Variants in CA8 observed in about 807,000 individuals in gnomAD.
CA8 encodes carbonic anhydrase 8 (inactive).
In CA8, 22 loss-of-function variants were observed where a neutral mutation model predicts 41.4. That is an observed-to-expected ratio of 0.53 (90% confidence interval 0.38 to 0.76). CA8 has a LOEUF of 0.76. CA8 is among the 30% of genes least tolerant of loss of function. The pLI, the probability that CA8 is intolerant of heterozygous loss-of-function variation, is 0.00. For synonymous variants in CA8, 121 were observed against 130.6 expected (o/e 0.93, Z 0.50); for missense variants, 270 against 352.8 (o/e 0.77, Z 1.88).
intron 8 of CA8, among the ~76,000 whole-genome samples, chr8:60,196,671 T>C (rs771354465): frequency 6.6e-6 from 1 of 152,186 alleles, no homozygotes; most frequent in Non-Finnish European, 1.5e-5. Context: ...CCTAATAGGA[T>C]TCCTTTTTCT....
At chr8:60,278,910 T>C (rs1804324421) in intron 2 of CA8, among the ~76,000 whole-genome samples, 2 of 152,190 alleles carry the variant, frequency 1.3e-5, no homozygotes, top group South Asian at 4.1e-4. Flanking sequence ...ATACTTTAAT[T>C]TTTCCCAAAA....
In CA8 at chr8:60,190,953, T is replaced by C. The variant is rs1407389778; in HGVS notation, c.*36-968A>G. On this transcript the variant is annotated intron_variant, in intron 8 of 8. Coordinates refer to ENST00000317995, the MANE Select transcript of CA8 (RefSeq NM_004056.6). ...CACACACACACTATATATATATATA[T>C]ATATACACACACACATTTCTACATA... Among the ~76,000 whole-genome samples the C allele has an allele frequency of 6.2e-5, 7 of 113,480 alleles. 1 individual carries two copies. The highest frequency in any genetic ancestry group is 9.8e-5 in the African/African-American group (3 of 30,652). The allele number at this position is 113,480 out of a possible 152,430, so 74.4% of individuals were successfully genotyped here.
At chr8:60,272,682 A>C (rs1377358437) in intron 2 of CA8, among the ~76,000 whole-genome samples, 1 of 152,236 alleles carries the variant, frequency 6.6e-6, no homozygotes, top group South Asian at 2.1e-4. Context: ...TCCTTCCCTA[A>C]GAATTTCCAC....
intron 8 of CA8, among the ~76,000 whole-genome samples, chr8:60,202,480 T>C (rs1392076591): frequency 6.6e-6 from 1 of 152,228 alleles, no homozygotes; most frequent in Non-Finnish European, 1.5e-5. Flanking sequence ...CACTGCAATT[T>C]ATTACAAACA....
intron 4 of CA8, among the ~76,000 whole-genome samples, chr8:60,230,549 G>C (rs1419173222): frequency 6.6e-6 from 1 of 151,186 alleles, no homozygotes; most frequent in East Asian, 1.9e-4. Flanking sequence ...CTGAGGACCC[G>C]ACCCCCCCGA....
chr8:60,195,418 T>C (rs941744187), intron 8 of CA8, among the ~76,000 whole-genome samples: 2 of 152,202 alleles, frequency 1.3e-5, no homozygotes. Context: ...TCCTCAGAGG[T>C]TGCTGCAGGT....
intron 2 of CA8, among the ~76,000 whole-genome samples, chr8:60,276,330 G>C (rs1231238634): frequency 6.6e-6 from 1 of 152,160 alleles, no homozygotes; most frequent in East Asian, 1.9e-4. Context: ...GAGCAGAAAA[G>C]AAAAGCAGCC....
intron 7 of CA8, among the ~76,000 whole-genome samples, chr8:60,209,765 T>C (rs539665873): frequency 2.0e-5 from 3 of 152,282 alleles, no homozygotes; most frequent in East Asian, 1.9e-4. Context: ...TTCCTGTCTT[T>C]ACAATATTGA....
At chr8:60,206,393 T>C (rs1249525811) in intron 8 of CA8, among the ~76,000 whole-genome samples, 1 of 151,958 alleles carries the variant, frequency 6.6e-6, no homozygotes, top group African/African-American at 2.4e-5. Flanking sequence ...ATAATAATAG[T>C]CATTTAGATA....
chr8:60,201,482 G>C (rs1201957140), intron 8 of CA8, among the ~76,000 whole-genome samples: 4 of 151,970 alleles, frequency 2.6e-5, no homozygotes, highest in African/African-American at 4.8e-5. Flanking sequence ...AAGAAAACTG[G>C]GTATATGGAC....
chr8:60,281,015 G>C, intron 1 of CA8, 33 bp downstream of exon 1: 4 of 1,517,404 alleles, frequency 2.6e-6, no homozygotes, highest in Non-Finnish European at 3.6e-6. Flanking sequence ...CGCCGCCGCG[G>C]GACCCCGGAC....
At chr8:60,216,405 G>A (rs1807023228) in intron 7 of CA8, among the ~76,000 whole-genome samples, 1 of 152,210 alleles carries the variant, frequency 6.6e-6, no homozygotes, top group South Asian at 2.1e-4. Context: ...ATGCTATGAT[G>A]GAGCTCTGTG....
intron 3 of CA8, among the ~76,000 whole-genome samples, chr8:60,249,879 G>T (rs1808385938): frequency 6.6e-6 from 1 of 152,140 alleles, no homozygotes; most frequent in African/African-American, 2.4e-5. Flanking sequence ...ATTGTGAGTA[G>T]CTTAATAAGT....
chr8:60,232,648 A>G, intron 3 of CA8: 1 of 485,330 alleles, frequency 2.1e-6, no homozygotes, highest in Middle Eastern at 5.8e-4. Context: ...GGACTCACAG[A>G]CTTCACATTG....
intron 3 of CA8, among the ~76,000 whole-genome samples, chr8:60,238,835 A>G (rs890338498): frequency 6.6e-6 from 1 of 151,872 alleles, no homozygotes; most frequent in East Asian, 1.9e-4. Context: ...GCTTATGCCC[A>G]CTCACCTGGA....
intron 3 of CA8, among the ~76,000 whole-genome samples, chr8:60,240,045 C>T (rs1252159481): frequency 2.4e-4 from 37 of 152,064 alleles, no homozygotes; most frequent in Admixed American, 2.2e-3. Flanking sequence ...GAGAAACTGA[C>T]GGGGGACCAA....
rs1282744409 is a variant in CA8 at position 60,209,622 on chromosome 8, G to A, written c.739-703C>T. 2.6e-5 allele frequency among the ~76,000 whole-genome samples: 4 copies of A among 152,300 alleles called. No homozygotes were observed. In the East Asian group the frequency reaches 7.7e-4, roughly 29 times the overall value. On this transcript the variant is annotated intron_variant, in intron 7 of 8. Transcript: ENST00000317995. The stretch of plus-strand genomic sequence containing the variant: ...TTAATGGATTCTTATGTTACTGTAT[G>A]TAAACACTGATTAGATCTTAGATTT...
intron 7 of CA8, among the ~76,000 whole-genome samples, chr8:60,215,397 T>G (rs995786161): frequency 1.4e-5 from 2 of 139,828 alleles, no homozygotes; most frequent in African/African-American, 5.1e-5. Context: ...GATCCCCACT[T>G]TGGGGACTCA....
rs752199645 is a variant in CA8, at chr8:60,185,590, G to A, written c.*4431C>T. On this transcript the variant is annotated 3_prime_UTR_variant, in exon 9 of 9. Coordinates refer to ENST00000317995, the MANE Select transcript of CA8 (RefSeq NM_004056.6). ...TTTTTGAAAGCAGAAACAGAAAAAC[G>A]ATTTGTCTTGTAGAAGGAAACCTCA... 2.0e-5 allele frequency among the ~76,000 whole-genome samples: 3 copies of A among 152,084 alleles called. No homozygotes were observed. Among genetic ancestry groups the A allele is most frequent in the Non-Finnish European group, 4.4e-5 (3 of 67,992 alleles).
Sources: gnomAD v4.1 joint callset for allele counts (sites outside exome capture counted in the v4.1 genomes callset) on GRCh38, gnomAD v4.1.1 for gene constraint, MANE v1.5 for transcripts, NCBI Gene and HGNC (gene_info 2026-07-23, HGNC 2026-07-21) for gene names.